The following LRCH1 variants were observed in gnomAD, a reference collection of about 807,000 sequenced individuals.
LRCH1 encodes leucine-rich repeat and calponin homology domain-containing protein 1.
Under a neutral mutation model 94.9 loss-of-function variants are expected in LRCH1, and 23 were observed. That is an observed-to-expected ratio of 0.24 (90% CI 0.17 to 0.34). LRCH1 has a LOEUF of 0.34. Among genes scored for constraint, LRCH1 ranks in the 10% least tolerant of loss-of-function variants. The pLI is 1.00. For missense variants in LRCH1, 790 were observed against 945.9 expected (o/e 0.84, Z 2.16); for synonymous variants, 364 against 354.9 (o/e 1.03, Z -0.29).
exon 19 of LRCH1, chr13:46,750,818 G>T (rs1332090918): frequency 1.9e-6 from 1 of 516,958 alleles, no homozygotes; most frequent in Non-Finnish European, 3.5e-6. Context: ...ACCTTTCAGA[G>T]CTGACCTCCG....
Position 46,650,223 on chromosome 13 carries a change from T to TCCTC in LRCH1, c.330_331insCCTC (p.Glu111ProfsTer17), listed in dbSNP as rs779511236. 1 of 1,612,074 alleles carries TCCTC rather than the reference T, an allele frequency of 6.2e-7. No individual in the cohort carries two copies. The highest frequency in any genetic ancestry group is 8.5e-7 in the Non-Finnish European group (1 of 1,178,992). ...TAGACTTATCTAAAAACAGACTGGT[T>TCCTC]GAAGTTCCAATGGAATTGTGCCATT... On this transcript the variant is annotated frameshift_variant, in exon 2 of 20. Coordinates refer to ENST00000389797, the MANE Select transcript of LRCH1 (RefSeq NM_001164211.2). LOFTEE classifies it high-confidence loss of function.
intron 1 of LRCH1, among the ~76,000 whole-genome samples, chr13:46,568,686 A>G (rs1327019521): frequency 6.6e-6 from 1 of 152,182 alleles, no homozygotes; most frequent in Non-Finnish European, 1.5e-5. Context: ...TGATGATAAA[A>G]CAGACATAGT....
At chr13:46,577,249 A>C (rs1219052872) in intron 1 of LRCH1, among the ~76,000 whole-genome samples, 1 of 152,142 alleles carries the variant, frequency 6.6e-6, no homozygotes, top group African/African-American at 2.4e-5. Context: ...GGCACACGCC[A>C]CCATGCCTGG....
intron 1 of LRCH1, among the ~76,000 whole-genome samples, chr13:46,584,915 CTGATGGAGAAA>C (rs1278016389): frequency 6.6e-6 from 1 of 152,078 alleles, no homozygotes. Context: ...CAATTGGGAA[CTGATGGAGAAA>C]TGTATTTTGG....
chr13:46,630,977 A>G (rs1402817023), intron 1 of LRCH1, among the ~76,000 whole-genome samples: 2 of 152,178 alleles, frequency 1.3e-5, no homozygotes, highest in Non-Finnish European at 2.9e-5. Flanking sequence ...AGATCTGGGA[A>G]TCTTTTTGTC....
intron 3 of LRCH1, among the ~76,000 whole-genome samples, chr13:46,673,992 G>A (rs188870116): frequency 1.3e-5 from 2 of 152,256 alleles, no homozygotes; most frequent in East Asian, 3.9e-4. Context: ...GTGTTGGCCA[G>A]GCTGCTGTCG....
At chr13:46,684,027 T>C (rs909149508) in intron 4 of LRCH1, among the ~76,000 whole-genome samples, 2 of 152,178 alleles carry the variant, frequency 1.3e-5, no homozygotes, top group African/African-American at 4.8e-5. Context: ...AATTTGAGGA[T>C]GAAAAAAGAA....
In LRCH1 at chr13:46,715,642, A is replaced by G. The variant is rs756170161; in HGVS notation, c.1737A>G (p.Pro579=). The change falls in exon 16 of 20, where the codon CCA becomes CCG. Residue 579 remains proline (P), a synonymous_variant. Transcript: ENST00000389797. The part of the protein sequence containing the change: ...QTWDSSSYSV[P]SEGDSDNVFL... ...GGGACAGCTCTAGCTACAGTGTTCC[A>G]TCTGAAGGAGACAGTGACAATGGTA... 6.0e-5 allele frequency: 92 copies of G among 1,536,278 alleles called. No individual in the cohort carries two copies. Among genetic ancestry groups the G allele is most frequent in the Non-Finnish European group, 7.9e-5 (91 of 1,146,134 alleles).
intron 1 of LRCH1, among the ~76,000 whole-genome samples, chr13:46,615,234 G>T (rs190683623): frequency 2.3e-4 from 35 of 152,252 alleles, no homozygotes; most frequent in African/African-American, 7.9e-4. Flanking sequence ...CATCTGCTCC[G>T]CTACCTGTGA....
chr13:46,566,822 T>C (rs1236130363), intron 1 of LRCH1, among the ~76,000 whole-genome samples: 1 of 152,194 alleles, frequency 6.6e-6, no homozygotes, highest in East Asian at 1.9e-4. Context: ...CTGACTAATG[T>C]GATTTCCCCC....
At chr13:46,715,482 G>A in intron 15 of LRCH1, 78 bp from the exon 16 acceptor site, 2 of 751,334 alleles carry the variant, frequency 2.7e-6, no homozygotes, top group Non-Finnish European at 4.6e-6. Context: ...TATGCCATTT[G>A]TGAAATGCTG....
intron 1 of LRCH1, among the ~76,000 whole-genome samples, chr13:46,610,593 GTTAC>G (rs1166514051): frequency 4.6e-5 from 7 of 151,206 alleles, no homozygotes; most frequent in Non-Finnish European, 1.0e-4. Context: ...TCATTCCTGA[GTTAC>G]TTCACTTAGA....
intron 1 of LRCH1, among the ~76,000 whole-genome samples, chr13:46,564,148 G>T (rs903733787): frequency 6.6e-6 from 1 of 152,224 alleles, no homozygotes. Flanking sequence ...ACATGCACAG[G>T]CCTCTTGTCA....
At chr13:46,705,759 C>A (rs1871726846) in intron 13 of LRCH1, 1 of 315,028 alleles carries the variant, frequency 3.2e-6, no homozygotes, top group African/African-American at 2.2e-5. Flanking sequence ...GAGAGAATAT[C>A]ATGAAGAGAA....
intron 3 of LRCH1, among the ~76,000 whole-genome samples, chr13:46,677,273 A>G (rs948671515): frequency 6.7e-6 from 1 of 150,360 alleles, no homozygotes; most frequent in Admixed American, 6.6e-5. Flanking sequence ...AAAAAAAAAA[A>G]AAAAAGTTAG....
At chr13:46,638,661 T>G (rs2051121679) in intron 1 of LRCH1, among the ~76,000 whole-genome samples, 1 of 152,208 alleles carries the variant, frequency 6.6e-6, no homozygotes, top group African/African-American at 2.4e-5. Flanking sequence ...CATCCCAAAT[T>G]AGCAAGTCTG....
chr13:46,601,044 T>G (rs2050622595), intron 1 of LRCH1, among the ~76,000 whole-genome samples: 1 of 152,236 alleles, frequency 6.6e-6, no homozygotes, highest in South Asian at 2.1e-4. Context: ...TTTGGGGAAC[T>G]CAGCAGTATG....
At chr13:46,684,094 C>T (rs1043889099) in intron 4 of LRCH1, among the ~76,000 whole-genome samples, 1 of 152,132 alleles carries the variant, frequency 6.6e-6, no homozygotes, top group Non-Finnish European at 1.5e-5. Context: ...TTTACTACAA[C>T]AACTGCAATA....
chr13:46,675,835 T>G (rs1024969769), intron 3 of LRCH1, among the ~76,000 whole-genome samples: 1 of 152,204 alleles, frequency 6.6e-6, no homozygotes, highest in Non-Finnish European at 1.5e-5. Flanking sequence ...TGAAGAGCAG[T>G]GGGGTAGGCC....
Sources: gnomAD v4.1 joint callset for allele counts (sites outside exome capture counted in the v4.1 genomes callset) on GRCh38, gnomAD v4.1.1 for gene constraint, MANE v1.5 for transcripts, NCBI Gene and HGNC (gene_info 2026-07-23, HGNC 2026-07-21) for gene names.